The following CEP128 variants were observed in gnomAD, a reference collection of about 807,000 sequenced individuals.
CEP128 encodes the protein centrosomal protein 128kDa.
A neutral mutation model predicts 156.7 loss-of-function variants in CEP128; 132 were observed. That is an observed-to-expected ratio of 0.84 (90% CI 0.73 to 0.97). The LOEUF is 0.97. Ranked by LOEUF, CEP128 falls within the 50% of genes least tolerant of loss-of-function variation. The probability of loss-of-function intolerance (pLI) is 0.00; values close to 1 mark genes in which losing one functional copy is unlikely to be tolerated. For synonymous variants in CEP128, 469 were observed against 448.9 expected (o/e 1.04, Z -0.57); for missense variants, 1,252 against 1,281.9 (o/e 0.98, Z 0.36).
chr14:80,778,085 C>T, intron 15 of CEP128, 39 bp from the exon 16 acceptor site: 2 of 1,575,072 alleles, frequency 1.3e-6, no homozygotes, highest in Non-Finnish European at 1.7e-6. Context: ...AGTCCACTAG[C>T]CATAGCCAAA....
chr14:80,797,305 T>C (rs1883547777), intron 13 of CEP128, among the ~76,000 whole-genome samples: 1 of 152,232 alleles, frequency 6.6e-6, no homozygotes, highest in Non-Finnish European at 1.5e-5. Flanking sequence ...CTACATGCAA[T>C]AATTCACTTT....
intron 8 of CEP128, among the ~76,000 whole-genome samples, chr14:80,887,477 C>A (rs1000227737): frequency 6.6e-6 from 1 of 152,172 alleles, no homozygotes; most frequent in Non-Finnish European, 1.5e-5. Context: ...AAGAAATTCT[C>A]TCAAAACTGC....
At chr14:80,590,415 T>A (rs1034280017) in intron 19 of CEP128, among the ~76,000 whole-genome samples, 6 of 151,994 alleles carry the variant, frequency 3.9e-5, no homozygotes, top group South Asian at 4.1e-4. Flanking sequence ...AAAATGCTCA[T>A]TAGAAACCAC....
intron 19 of CEP128, among the ~76,000 whole-genome samples, chr14:80,669,365 G>A (rs1035420063): frequency 6.6e-6 from 1 of 152,038 alleles, no homozygotes; most frequent in African/African-American, 2.4e-5. Flanking sequence ...AATCAAAATA[G>A]TAAGTAGACA....
Position 80,761,605 on chromosome 14 carries a change from A to T in CEP128, c.2385T>A (p.His795Gln). The T allele has an allele frequency of 6.3e-7, 1 of 1,590,342 alleles. No homozygotes were observed. Among genetic ancestry groups the T allele is most frequent in the Non-Finnish European group, 8.6e-7 (1 of 1,166,796 alleles). The part of the protein sequence containing the change: ...LKDQLEEREK[H>Q]ISIEEEHLRR... Reference sequence around the variant, plus strand: ...TTAAGTGCTCCTCTTCAATGCTTATATGTTTTTCCTAAGGCATTGAAAGAA... The same window carrying T: ...TTAAGTGCTCCTCTTCAATGCTTATTTGTTTTTCCTAAGGCATTGAAAGAA... The change falls in exon 17 of 25, where the codon CAT (histidine) becomes CAA (glutamine). Residue 795 changes from histidine to glutamine, a missense_variant. Coordinates refer to ENST00000555265, the MANE Select transcript of CEP128 (RefSeq NM_152446.5).
chr14:80,915,624 G>T (rs1884503328), intron 3 of CEP128, among the ~76,000 whole-genome samples: 2 of 152,012 alleles, frequency 1.3e-5, no homozygotes, highest in African/African-American at 4.8e-5. Flanking sequence ...CCAAATACTA[G>T]CAAAAATTAG....
At chr14:80,793,251 A>G (rs1187087543) in intron 13 of CEP128, 141 bp from the exon 14 acceptor site, 3 of 629,026 alleles carry the variant, frequency 4.8e-6, no homozygotes, top group East Asian at 2.8e-5. Context: ...TTTAGAAATC[A>G]TGAGTCTTTT....
chr14:80,727,057 T>C (rs1898047552), intron 19 of CEP128, among the ~76,000 whole-genome samples: 2 of 152,154 alleles, frequency 1.3e-5, no homozygotes, highest in Non-Finnish European at 2.9e-5. Flanking sequence ...CACCTGAACA[T>C]GGTTATGGAG....
At chr14:80,848,331 G>A (rs1411356506) in intron 9 of CEP128, among the ~76,000 whole-genome samples, 1 of 152,168 alleles carries the variant, frequency 6.6e-6, no homozygotes, top group Non-Finnish European at 1.5e-5. Context: ...AGACGGCCAG[G>A]ATGGTTGGCC....
chr14:80,492,384 TCTCA>T (rs1360323364), downstream of CEP128, among the ~76,000 whole-genome samples: 2 of 152,238 alleles, frequency 1.3e-5, no homozygotes, highest in Non-Finnish European at 2.9e-5. Flanking sequence ...CATGTATTAA[TCTCA>T]CTAACTCCGC....
downstream of CEP128, among the ~76,000 whole-genome samples, chr14:80,486,393 T>C (rs1033452920): frequency 1.1e-4 from 17 of 152,010 alleles, no homozygotes; most frequent in East Asian, 7.7e-4. Flanking sequence ...CTACGTCTGA[T>C]TGGTGTACCT....
At chr14:80,495,231 A>G (rs2140163652), downstream of CEP128, among the ~76,000 whole-genome samples, 1 of 152,344 alleles carries the variant, frequency 6.6e-6, no homozygotes, top group African/African-American at 2.4e-5. Flanking sequence ...CAAAGGGGTG[A>G]GTAAAGGAAA....
intron 9 of CEP128, among the ~76,000 whole-genome samples, chr14:80,856,720 CTTTTTTT>C (rs766724436): frequency 0.085 from 5,536 of 64,804 alleles, 82 homozygotes; most frequent in African/African-American, 0.097. Context: ...TTTTTCTTTT[CTTTTTTT>C]TTTTTTTTTT....
chr14:80,493,203 A>T (rs1305337158), downstream of CEP128, among the ~76,000 whole-genome samples: 1 of 152,208 alleles, frequency 6.6e-6, no homozygotes, highest in Non-Finnish European at 1.5e-5. Flanking sequence ...TGCCTGTTTG[A>T]GAAAAAGAGA....
At chr14:80,558,299 C>CT (rs1555374721) in intron 21 of CEP128, among the ~76,000 whole-genome samples, 155 of 147,066 alleles carry the variant, frequency 1.1e-3, no homozygotes, top group Non-Finnish European at 1.3e-3. Context: ...TTTTCCTTTA[C>CT]TTTTTTTTTT....
intron 19 of CEP128, among the ~76,000 whole-genome samples, chr14:80,652,144 A>C (rs1172617733): frequency 6.6e-6 from 1 of 151,172 alleles, no homozygotes; most frequent in East Asian, 2.0e-4. Flanking sequence ...AGCCATACGC[A>C]GAAAACTGAA....
At chr14:80,895,858 T>C (rs1889329536) in intron 7 of CEP128, 68 bp from the exon 8 acceptor site, 2 of 1,064,866 alleles carry the variant, frequency 1.9e-6, no homozygotes, top group East Asian at 2.7e-5. Flanking sequence ...GAGTGAAATG[T>C]ATAACATGAT....
intron 23 of CEP128, among the ~76,000 whole-genome samples, chr14:80,508,065 G>T (rs1262339488): frequency 1.3e-5 from 2 of 152,152 alleles, no homozygotes; most frequent in Non-Finnish European, 2.9e-5. Flanking sequence ...ACAGGCATGT[G>T]CCACCATGCC....
At position 80,831,136 on chromosome 14, in the gene CEP128, A is replaced by T; in HGVS notation, c.1209+7T>A. On this transcript the variant is annotated splice_region_variant and intron_variant, in intron 13 of 24. Transcript: ENST00000555265. ...TTTCGAATATGACTTAAAAAGAGCA[A>T]AGTCACCTCTACTTGTGATGCCAAA... is the stretch of plus-strand genomic sequence containing the variant. The T allele has an allele frequency of 6.2e-7, 1 of 1,613,532 alleles. No homozygotes were observed. Among genetic ancestry groups the T allele is most frequent in the Non-Finnish European group, 8.5e-7 (1 of 1,179,500 alleles).
Sources: gnomAD v4.1 joint callset for allele counts (sites outside exome capture counted in the v4.1 genomes callset) on GRCh38, gnomAD v4.1.1 for gene constraint, MANE v1.5 for transcripts, NCBI Gene and HGNC (gene_info 2026-07-23, HGNC 2026-07-21) for gene names.